SLMAP: variants seen among roughly 807,000 people sequenced by gnomAD.
The protein encoded by SLMAP is sarcolemma associated protein, also known as sarcolemmal membrane-associated protein.
SLMAP carries 44 observed loss-of-function variants against 128.8 expected under a neutral mutation model. That is an observed-to-expected ratio of 0.34 (90% CI 0.27 to 0.44). The LOEUF (loss-of-function observed/expected upper bound fraction) is 0.44, where lower values mean the gene tolerates loss of function less well. SLMAP is among the 20% of genes least tolerant of loss of function. SLMAP has a pLI of 1.00. For missense variants in SLMAP, 787 were observed against 985.3 expected, an observed-to-expected ratio of 0.80 and a Z score of 2.69; for synonymous variants, 327 against 348.8, an observed-to-expected ratio of 0.94 and a Z score of 0.70.
At chr3:57,817,715 C>G (rs545455627) in intron 2 of SLMAP, among the ~76,000 whole-genome samples, 33 of 152,262 alleles carry the variant, frequency 2.2e-4, no homozygotes, top group Admixed American at 2.0e-3. Flanking sequence ...TGTAAAGTAC[C>G]TAGTATAGCT....
intron 14 of SLMAP, among the ~76,000 whole-genome samples, chr3:57,883,392 GC>G (rs1274567283): frequency 3.3e-5 from 5 of 152,226 alleles, no homozygotes; most frequent in African/African-American, 1.2e-4. Flanking sequence ...GGTAGTTAAA[GC>G]CATTAAAAAA....
intron 2 of SLMAP, among the ~76,000 whole-genome samples, chr3:57,782,531 G>A (rs961631208): frequency 7.2e-5 from 11 of 152,116 alleles, no homozygotes; most frequent in Admixed American, 5.9e-4. Context: ...GGAGTGTAGC[G>A]GCATGATCTG....
intron 8 of SLMAP, 137 bp downstream of exon 8, chr3:57,858,296 C>T (rs954805561): frequency 8.0e-5 from 49 of 612,912 alleles, no homozygotes; most frequent in South Asian, 1.6e-4. Flanking sequence ...TGCTGAGAAA[C>T]GTCAGACATC....
intron 2 of SLMAP, among the ~76,000 whole-genome samples, chr3:57,785,781 T>TA (rs2083965426): frequency 6.6e-6 from 1 of 152,204 alleles, no homozygotes; most frequent in Non-Finnish European, 1.5e-5. Context: ...AGAAAAATGT[T>TA]AAGAGATTTT....
intron 2 of SLMAP, among the ~76,000 whole-genome samples, chr3:57,790,320 G>A (rs1483598137): frequency 6.6e-6 from 1 of 152,020 alleles, no homozygotes. Flanking sequence ...CTTACTATGG[G>A]GAAGAATGAT....
At chr3:57,898,400 C>T (rs1315707635) in intron 17 of SLMAP, 1 of 151,858 alleles carries the variant, frequency 6.6e-6, no homozygotes, top group Non-Finnish European at 1.5e-5. Context: ...CAAAAGTAGC[C>T]CTCTTTATGG....
At chr3:57,855,021 G>A (rs1229130066) in intron 6 of SLMAP, among the ~76,000 whole-genome samples, 2 of 152,162 alleles carry the variant, frequency 1.3e-5, no homozygotes, top group Admixed American at 1.3e-4. Context: ...ACTGAAGGCA[G>A]TTGTAACACA....
At chr3:57,897,831 A>G (rs772050371) in intron 17 of SLMAP, 1 of 152,252 alleles carries the variant, frequency 6.6e-6, no homozygotes, top group Admixed American at 6.5e-5. Flanking sequence ...TGGGTAGAAA[A>G]TAAATCAGCA....
chr3:57,765,841 A>G (rs2079558054), intron 2 of SLMAP, among the ~76,000 whole-genome samples: 1 of 152,192 alleles, frequency 6.6e-6, no homozygotes, highest in Non-Finnish European at 1.5e-5. Context: ...TTTTCATAAT[A>G]GTGGGAAATT....
chr3:57,902,431 A>T (rs1330058818), intron 17 of SLMAP, among the ~76,000 whole-genome samples: 1 of 152,224 alleles, frequency 6.6e-6, no homozygotes, highest in African/African-American at 2.4e-5. Context: ...GTTTTGTAAG[A>T]TAGAGTGATC....
At chr3:57,885,710 C>T (rs147548786) in intron 14 of SLMAP, among the ~76,000 whole-genome samples, 228 of 150,522 alleles carry the variant, frequency 1.5e-3, no homozygotes, top group Middle Eastern at 6.8e-3. Context: ...TGAGCTACCG[C>T]GCCCGGCCAT....
intron 22 of SLMAP, among the ~76,000 whole-genome samples, chr3:57,918,939 C>T (rs1350187310): frequency 6.6e-6 from 1 of 152,166 alleles, no homozygotes; most frequent in Non-Finnish European, 1.5e-5. Flanking sequence ...CAGGACCAAG[C>T]TCATTTGTCA....
chr3:57,866,273 AAAAAG>A (rs3037507), intron 13 of SLMAP, among the ~76,000 whole-genome samples: 74,135 of 150,416 alleles, frequency 0.49, 18,962 homozygotes, highest in Non-Finnish European at 0.55. Context: ...CCTGTCTTTA[AAAAAG>A]AAAAGAAAAG....
chr3:57,769,516 G>A (rs2153442007), intron 2 of SLMAP, among the ~76,000 whole-genome samples: 1 of 152,088 alleles, frequency 6.6e-6, no homozygotes, highest in East Asian at 1.9e-4. Flanking sequence ...TAAGACACAA[G>A]GTCTCACTAT....
At chr3:57,792,740 A>C (rs1244897753) in intron 2 of SLMAP, among the ~76,000 whole-genome samples, 1 of 152,186 alleles carries the variant, frequency 6.6e-6, no homozygotes, top group Non-Finnish European at 1.5e-5. Context: ...ATGTATTAAT[A>C]TGTTAAACAT....
chr3:57,920,736 C>T (rs1404528137), intron 22 of SLMAP, among the ~76,000 whole-genome samples: 5 of 151,980 alleles, frequency 3.3e-5, no homozygotes, highest in Admixed American at 2.6e-4. Context: ...AGAATAGGGC[C>T]GGGTGCGGTG....
At chr3:57,890,807 T>G (rs2096046466) in intron 15 of SLMAP, 1 of 152,228 alleles carries the variant, frequency 6.6e-6, no homozygotes, top group South Asian at 2.1e-4. Flanking sequence ...TAAAACTAGA[T>G]TCACAGTCCT....
intron 2 of SLMAP, among the ~76,000 whole-genome samples, chr3:57,822,208 A>T (rs1381718717): frequency 6.6e-6 from 1 of 152,082 alleles, no homozygotes; most frequent in African/African-American, 2.4e-5. Context: ...ATGTATTCTG[A>T]TTGCTTCAGG....
chr3:57,794,111 T>C (rs913723333), intron 2 of SLMAP, among the ~76,000 whole-genome samples: 2 of 152,170 alleles, frequency 1.3e-5, no homozygotes, highest in African/African-American at 2.4e-5. Context: ...CAGGAAACTT[T>C]TTAGATGAGT....
Sources: allele counts gnomAD v4.1 joint callset (sites outside exome capture counted in the v4.1 genomes callset), GRCh38; gene constraint gnomAD v4.1.1; transcripts MANE v1.5; gene names NCBI Gene and HGNC (gene_info 2026-07-23, HGNC 2026-07-21).